Variants in TPCN1 observed in about 807,000 individuals in gnomAD.
TPCN1 encodes the protein two pore channel protein 1.
Under a neutral mutation model 108.8 loss-of-function variants are expected in TPCN1, and 52 were observed. The ratio of observed to expected loss-of-function variants is 0.48; its 90% confidence interval spans 0.38 to 0.60. The LOEUF is 0.60. TPCN1 is among the 20% of genes least tolerant of loss of function. TPCN1 has a pLI of 0.00. For missense variants in TPCN1, 806 were observed against 1,072.8 expected (o/e 0.75, Z 3.47); for synonymous variants, 446 against 433.7 (o/e 1.03, Z -0.35).
intron 13 of TPCN1, among the ~76,000 whole-genome samples, 183 bp from the exon 14 acceptor site, chr12:113,278,589 T>G (rs1281071226): frequency 1.3e-5 from 2 of 152,254 alleles, no homozygotes; most frequent in East Asian, 1.9e-4. Flanking sequence ...ATAAGGCCTC[T>G]GCATGGCACA....
At chr12:113,230,384 G>A (rs1000076163) in intron 2 of TPCN1, among the ~76,000 whole-genome samples, 1 of 148,842 alleles carries the variant, frequency 6.7e-6, no homozygotes, top group Non-Finnish European at 1.5e-5. Flanking sequence ...CACCTCCCAG[G>A]TTCAAGTGAT....
chr12:113,252,334 G>A (rs1267196048), intron 2 of TPCN1, among the ~76,000 whole-genome samples: 1 of 152,192 alleles, frequency 6.6e-6, no homozygotes, highest in Non-Finnish European at 1.5e-5. Context: ...GGATGCTGCG[G>A]TATAAGTGGT....
intron 7 of TPCN1, among the ~76,000 whole-genome samples, chr12:113,270,290 G>A (rs1349503671): frequency 1.3e-5 from 2 of 152,120 alleles, no homozygotes; most frequent in Non-Finnish European, 2.9e-5. Flanking sequence ...AGACTGGGCA[G>A]CTTATAAACA....
At chr12:113,222,020 T>TC (rs1953252696) in intron 1 of TPCN1, among the ~76,000 whole-genome samples, 1 of 152,112 alleles carries the variant, frequency 6.6e-6, no homozygotes, top group Non-Finnish European at 1.5e-5. Context: ...CTGAACCTCT[T>TC]CCCCTAGGCC....
At chr12:113,224,368 C>A (rs1953390227) in intron 1 of TPCN1, among the ~76,000 whole-genome samples, 1 of 152,236 alleles carries the variant, frequency 6.6e-6, no homozygotes, top group African/African-American at 2.4e-5. Flanking sequence ...GTCCCTCATA[C>A]ATAGTACGCA....
At chr12:113,251,068 C>G (rs1033569752) in intron 2 of TPCN1, among the ~76,000 whole-genome samples, 4 of 151,814 alleles carry the variant, frequency 2.6e-5, no homozygotes, top group African/African-American at 9.7e-5. Context: ...TCTGGGAGGG[C>G]GAGGCAGGTG....
intron 18 of TPCN1, among the ~76,000 whole-genome samples, chr12:113,286,769 A>G (rs1233721086): frequency 6.6e-6 from 1 of 152,146 alleles, no homozygotes; most frequent in Non-Finnish European, 1.5e-5. Flanking sequence ...TTGGGGTCAG[A>G]GCACTGAGGC....
intron 15 of TPCN1, among the ~76,000 whole-genome samples, chr12:113,281,912 C>CTTT (rs1161003553): frequency 1.9e-4 from 23 of 119,674 alleles, no homozygotes; most frequent in Non-Finnish European, 2.6e-4. Context: ...ATTTGGATTT[C>CTTT]TTTTTTTTTT....
At chr12:113,257,793 T>C (rs1001430619) in intron 2 of TPCN1, among the ~76,000 whole-genome samples, 1 of 152,208 alleles carries the variant, frequency 6.6e-6, no homozygotes, top group Admixed American at 6.5e-5. Context: ...TAAACTGTGG[T>C]ATATTTATTA....
chr12:113,248,171 G>C (rs570161130), intron 2 of TPCN1, among the ~76,000 whole-genome samples: 4 of 152,290 alleles, frequency 2.6e-5, no homozygotes, highest in African/African-American at 9.6e-5. Flanking sequence ...CCTCTTGCCC[G>C]AGGCCTGCCA....
intron 2 of TPCN1, among the ~76,000 whole-genome samples, chr12:113,250,512 T>C (rs1347085186): frequency 6.6e-6 from 1 of 152,214 alleles, no homozygotes; most frequent in African/African-American, 2.4e-5. Context: ...CAGGTGCCCC[T>C]GGAGGGCAAG....
chr12:113,252,560 C>A (rs1335380226), intron 2 of TPCN1, among the ~76,000 whole-genome samples: 1 of 152,216 alleles, frequency 6.6e-6, no homozygotes, highest in Non-Finnish European at 1.5e-5. Context: ...CTAATGGCTG[C>A]TGCCATCTGT....
In TPCN1 at chr12:113,232,997, T is replaced by C. The variant is rs2136449395; in HGVS notation, c.112+6033T>C. Reference sequence around the variant, plus strand: ...GCTCCGCTGGAGTCATTCCCCTGGCTTTTTCAGGGCCTCACCAAGGCAGAG... The same window carrying C: ...GCTCCGCTGGAGTCATTCCCCTGGCCTTTTCAGGGCCTCACCAAGGCAGAG... On this transcript the variant is annotated intron_variant, in intron 2 of 27. Coordinates refer to ENST00000335509, the MANE Select transcript of TPCN1 (RefSeq NM_017901.6). The surrounding 1 kb of genome is among the most constrained non-coding windows in gnomAD (Gnocchi z 5.6). Among the ~76,000 whole-genome samples, 1 of 152,214 alleles carries C rather than the reference T, an allele frequency of 6.6e-6. No individual in the cohort carries two copies. The highest frequency in any genetic ancestry group is 1.5e-5 in the Non-Finnish European group (1 of 68,008).
intron 2 of TPCN1, among the ~76,000 whole-genome samples, chr12:113,236,382 C>G (rs776388507): frequency 6.6e-6 from 1 of 152,230 alleles, no homozygotes; most frequent in Non-Finnish European, 1.5e-5. Context: ...TGGTTGAATT[C>G]TGACGGTACA....
chr12:113,290,339 G>C, intron 22 of TPCN1, 96 bp downstream of exon 22: 1 of 877,240 alleles, frequency 1.1e-6, no homozygotes, highest in Non-Finnish European at 1.8e-6. Context: ...GCAAGTGTCT[G>C]GGCCACACTT....
At chr12:113,242,527 A>C (rs967356402) in intron 2 of TPCN1, among the ~76,000 whole-genome samples, 3 of 152,168 alleles carry the variant, frequency 2.0e-5, no homozygotes, top group Admixed American at 6.6e-5. Context: ...GCCTTTGTAC[A>C]CTTAGAAGAA....
chr12:113,291,838 C>A, intron 24 of TPCN1, 36 bp from the exon 25 acceptor site: 3 of 1,542,490 alleles, frequency 1.9e-6, no homozygotes, highest in South Asian at 1.1e-5. Context: ...CACCCTCCTC[C>A]CCTGCCTCTG....
intron 1 of TPCN1, among the ~76,000 whole-genome samples, chr12:113,222,782 C>T (rs1327868430): frequency 1.3e-5 from 2 of 152,104 alleles, no homozygotes; most frequent in Non-Finnish European, 2.9e-5. Context: ...GTTCTTCCAG[C>T]GTGGCCCAGG....
chr12:113,254,414 CA>C (rs1566160602), intron 2 of TPCN1, among the ~76,000 whole-genome samples: 1 of 152,068 alleles, frequency 6.6e-6, no homozygotes, highest in African/African-American at 2.4e-5. Context: ...GATGTAGATG[CA>C]AAAAATTTAA....
Sources: gnomAD v4.1 joint callset for allele counts (sites outside exome capture counted in the v4.1 genomes callset) on GRCh38, gnomAD v4.1.1 for gene constraint, Gnocchi (gnomAD v3.1) non-coding constraint, MANE v1.5 for transcripts, NCBI Gene and HGNC (gene_info 2026-07-23, HGNC 2026-07-21) for gene names.